LCOR: variants seen among roughly 807,000 people sequenced by gnomAD.
LCOR encodes ligand-dependent corepressor.
Under a neutral mutation model 64.4 loss-of-function variants are expected in LCOR, and 14 were observed. That is an observed-to-expected ratio of 0.22 (90% CI 0.14 to 0.34). The LOEUF is 0.34. Ranked by LOEUF, LCOR falls within the 10% of genes least tolerant of loss-of-function variation. The pLI is 1.00. For missense variants in LCOR, 1,686 were observed against 1,765.3 expected (o/e 0.96, Z 0.80); for synonymous variants, 643 against 642.5 (o/e 1.00, Z -0.01).
chr10:96,960,359 GTAGTTTAA>G (rs1434209616), intron 7 of LCOR: 1 of 152,184 alleles, frequency 6.6e-6, no homozygotes, highest in Non-Finnish European at 1.5e-5. Context: ...AATATTTTGA[GTAGTTTAA>G]CAGTTATATG....
At chr10:96,922,795 C>A (rs1212530358) in intron 4 of LCOR, among the ~76,000 whole-genome samples, 1 of 152,072 alleles carries the variant, frequency 6.6e-6, no homozygotes, top group African/African-American at 2.4e-5. Flanking sequence ...GTAATAATAG[C>A]CATTTGCTGC....
chr10:96,970,288 C>G (rs1333564445), intron 7 of LCOR, among the ~76,000 whole-genome samples: 1 of 151,990 alleles, frequency 6.6e-6, no homozygotes, highest in South Asian at 2.1e-4. Flanking sequence ...GTCCTAGCTA[C>G]TCTGGAGGCT....
intron 4 of LCOR, among the ~76,000 whole-genome samples, chr10:96,929,963 T>C (rs900159572): frequency 3.9e-5 from 6 of 152,146 alleles, no homozygotes; most frequent in Admixed American, 3.3e-4. Context: ...CACCATCTTA[T>C]ACAGGTGCAG....
At chr10:96,929,905 A>G (rs1329470519) in intron 4 of LCOR, among the ~76,000 whole-genome samples, 1 of 152,204 alleles carries the variant, frequency 6.6e-6, no homozygotes, top group Non-Finnish European at 1.5e-5. Flanking sequence ...AGACAAGGGA[A>G]CAGGTGTTCA....
chr10:96,920,444 GTA>G (rs1486227758), intron 4 of LCOR, among the ~76,000 whole-genome samples: 1 of 7,902 alleles, frequency 1.3e-4, no homozygotes, highest in African/African-American at 4.9e-4. Context: ...GTATATATGT[GTA>G]TATATATGTA....
intron 2 of LCOR, among the ~76,000 whole-genome samples, chr10:96,874,130 G>A (rs12761786): frequency 0.023 from 3,450 of 152,166 alleles, 64 homozygotes; most frequent in Non-Finnish European, 0.037. Flanking sequence ...CATATATATC[G>A]CGTGCTATAA....
chr10:96,983,249 G>A lies in LCOR; in HGVS notation c.2789G>A (p.Ser930Asn). ...GAGTTACGAGGAGAGATTTTCCCCA[G>A]CAGGGACCCCATAACCACAGCTGGA... Reference protein sequence around the residue: ...VKELRGEIFPSRDPITTAGQP... With the variant: ...VKELRGEIFPNRDPITTAGQP... The change falls in exon 8 of 8, where the codon AGC becomes AAC. Residue 930 changes from serine to asparagine, a missense_variant. Ser to Asn is a conservative substitution (Grantham distance 46). Around this residue, in one of 3 missense-constraint regions of LCOR, gnomAD observed 1,293 missense variants for 1,410.4 expected, o/e 0.92. Transcript: ENST00000421806. The surrounding 1 kb of genome is among the most constrained non-coding windows in gnomAD (Gnocchi z 4.5). The A allele has an allele frequency of 6.2e-7, 1 of 1,614,176 alleles. No homozygotes were observed. Among genetic ancestry groups the A allele is most frequent in the Non-Finnish European group, 8.5e-7 (1 of 1,180,040 alleles).
chr10:96,967,893 G>C (rs1847965231), intron 7 of LCOR, among the ~76,000 whole-genome samples: 1 of 151,956 alleles, frequency 6.6e-6, no homozygotes, highest in Non-Finnish European at 1.5e-5. Flanking sequence ...GAGCACTAAG[G>C]GTCTTGGGAA....
chr10:96,938,314 C>G (rs775135653), intron 4 of LCOR, among the ~76,000 whole-genome samples: 1 of 152,146 alleles, frequency 6.6e-6, no homozygotes, highest in South Asian at 2.1e-4. Flanking sequence ...ACCACATGAT[C>G]ATCTCCGTAG....
chr10:96,838,982 CTTG>C (rs1431868583), intron 2 of LCOR, among the ~76,000 whole-genome samples: 2 of 152,138 alleles, frequency 1.3e-5, no homozygotes, highest in East Asian at 1.9e-4. Flanking sequence ...CACTCCAACA[CTTG>C]TTGTTATCTG....
At chr10:96,891,530 CTTTTTTTTTTTTTTTTTTTTTT>C (rs71007307) in intron 2 of LCOR, among the ~76,000 whole-genome samples, 21 of 7,638 alleles carry the variant, frequency 2.7e-3, no homozygotes, top group Non-Finnish European at 4.3e-3. Flanking sequence ...TGTCTTGACT[CTTTTTTTTTTTTTTTTTTTTTT>C]TTTTTTTTTT....
chr10:96,884,947 T>G (rs1291184762), intron 2 of LCOR, among the ~76,000 whole-genome samples: 1 of 152,208 alleles, frequency 6.6e-6, no homozygotes, highest in African/African-American at 2.4e-5. Context: ...TAGCTTGATG[T>G]GTGTGTTTGT....
intron 7 of LCOR, among the ~76,000 whole-genome samples, chr10:96,976,290 C>T (rs977598492): frequency 2.0e-5 from 3 of 152,206 alleles, no homozygotes; most frequent in Admixed American, 6.5e-5. Context: ...CAAACTACTG[C>T]TCTAAGTGTC....
chr10:96,988,625 G>A lies in LCOR; in HGVS notation c.*3491G>A, dbSNP rs1251923160. ...GCTTTGTAATGGGTTCGGTCATGAG[G>A]GTGGGAGCTGTCATTCACATTTATG... On this transcript the variant is annotated 3_prime_UTR_variant, in exon 8 of 8. Transcript: ENST00000421806. 6.6e-6 allele frequency: 1 copy of A among 152,220 alleles called. No homozygotes were observed. Among genetic ancestry groups the A allele is most frequent in the Non-Finnish European group, 1.5e-5 (1 of 68,044 alleles). 9.4% of individuals were successfully genotyped at this position (152,220 alleles called of 1,614,324 possible). A position where few individuals can be genotyped will look rare whatever the true frequency, so the allele number is the denominator to read the frequency against.
intron 2 of LCOR, among the ~76,000 whole-genome samples, chr10:96,837,018 G>GTTTTTTGTT: frequency 6.7e-6 from 1 of 149,442 alleles, no homozygotes. Flanking sequence ...TTGAGACGGA[G>GTTTTTTGTT]TCTCGCTCTG....
At chr10:96,906,904 ATTTTGAAGCAGT>A (rs1846739001) in intron 2 of LCOR, among the ~76,000 whole-genome samples, 1 of 152,194 alleles carries the variant, frequency 6.6e-6, no homozygotes, top group Admixed American at 6.5e-5. Flanking sequence ...AGTTGTGGAA[ATTTTGAAGCAGT>A]TTTTGACTCA....
intron 7 of LCOR, chr10:96,958,235 C>A: frequency 1.5e-6 from 2 of 1,327,028 alleles, no homozygotes; most frequent in Non-Finnish European, 1.9e-6. Flanking sequence ...CACTAAAGGC[C>A]CATTAAAAAT....
chr10:96,931,556 C>T (rs1370203590), intron 4 of LCOR, among the ~76,000 whole-genome samples: 1 of 152,036 alleles, frequency 6.6e-6, no homozygotes, highest in Non-Finnish European at 1.5e-5. Flanking sequence ...TTCTATAGCT[C>T]TTTTTCTTTC....
At chr10:96,926,914 AGTTT>A (rs1414273537) in intron 4 of LCOR, among the ~76,000 whole-genome samples, 5 of 151,942 alleles carry the variant, frequency 3.3e-5, no homozygotes, top group Admixed American at 2.6e-4. Context: ...GATATGCTAC[AGTTT>A]GTTTATCATT....
Sources: allele counts gnomAD v4.1 joint callset (sites outside exome capture counted in the v4.1 genomes callset), GRCh38; gene constraint gnomAD v4.1.1; regional missense constraint gnomAD v4.1.1; non-coding constraint Gnocchi (gnomAD v3.1); transcripts MANE v1.5; gene names NCBI Gene and HGNC (gene_info 2026-07-23, HGNC 2026-07-21).